Variants in LTBP2 observed in about 807,000 individuals in gnomAD.
LTBP2 encodes the protein latent transforming growth factor beta binding protein 2, also known as latent-transforming growth factor beta-binding protein 2.
LTBP2 carries 103 observed loss-of-function variants against 210.6 expected under a neutral mutation model. The ratio of observed to expected loss-of-function variants is 0.49; its 90% CI spans 0.42 to 0.58. The LOEUF (loss-of-function observed/expected upper bound fraction) is 0.58. Ranked by LOEUF, LTBP2 falls within the 20% of genes least tolerant of loss-of-function variation. LTBP2 has a pLI of 0.00. For missense variants in LTBP2, 2,313 were observed against 2,494.5 expected, an observed-to-expected ratio of 0.93 and a Z score of 1.55; for synonymous variants, 1,007 against 1,015.0, an observed-to-expected ratio of 0.99 and a Z score of 0.15.
intron 8 of LTBP2, 32 bp downstream of exon 8, chr14:74,549,831 C>T (rs1215754279): frequency 1.3e-6 from 2 of 1,574,416 alleles, no homozygotes; most frequent in Admixed American, 1.7e-5. Context: ...GAGCTTCCTC[C>T]ACAACACGTG....
chr14:74,604,925 C>T (rs1468389043), intron 1 of LTBP2, among the ~76,000 whole-genome samples: 1 of 152,244 alleles, frequency 6.6e-6, no homozygotes. Flanking sequence ...GCAGTTTCCA[C>T]CCGGCCCTGA....
Position 74,529,069 on chromosome 14 carries a change from C to T in LTBP2, c.2041G>A (p.Gly681Ser), listed in dbSNP as rs373539611. The T allele has an allele frequency of 2.8e-5, 43 of 1,558,780 alleles. No homozygotes were observed. Among genetic ancestry groups the T allele is most frequent in the East Asian group, 7.2e-5 (3 of 41,624 alleles). ...TGGGCCAAAGGCAGGGTGCAGGTGCCGGGCCCCAGCGACCGGTAGCACAGT... is the reference window on the plus strand; with the variant it reads ...TGGGCCAAAGGCAGGGTGCAGGTGCTGGGCCCCAGCGACCGGTAGCACAGT... The part of the protein sequence containing the change: ...QGLCYRSLGP[G>S]TCTLPLAQRI... Residue 681 changes from glycine to serine, a missense_variant, in exon 11 of 36, where the codon GGC becomes AGC. Coordinates refer to ENST00000261978, the MANE Select transcript of LTBP2 (RefSeq NM_000428.3).
intron 17 of LTBP2, among the ~76,000 whole-genome samples, chr14:74,520,426 C>T (rs886115273): frequency 6.6e-6 from 1 of 152,188 alleles, no homozygotes; most frequent in African/African-American, 2.4e-5. Flanking sequence ...CTAAGGATTT[C>T]CATAACATGG....
intron 2 of LTBP2, among the ~76,000 whole-genome samples, chr14:74,587,309 T>A (rs761139201): frequency 1.5e-4 from 23 of 151,994 alleles, no homozygotes; most frequent in Admixed American, 9.8e-4. Flanking sequence ...TCCTTGTCCA[T>A]CTGGGGCTTG....
In LTBP2 at chr14:74,555,706, C is replaced by A. The variant is rs1206190799; in HGVS notation, c.831-13G>T. On this transcript the variant is annotated splice_polypyrimidine_tract_variant and intron_variant, in intron 3 of 35. Transcript: ENST00000261978. ...GCCACTCAGGGTCCTGTGGAGACAA[C>A]CGCGGCACGGGGGTTTGCACCCTGG... 5 of 1,502,504 alleles carry A rather than the reference C, an allele frequency of 3.3e-6. No homozygotes were observed. Among genetic ancestry groups the A allele is most frequent in the Non-Finnish European group, 4.5e-6 (5 of 1,122,526 alleles). 93.1% of individuals were successfully genotyped at this position (1,502,504 alleles called of 1,614,324 possible).
intron 15 of LTBP2, 21 bp from the exon 16 acceptor site, chr14:74,522,939 C>T: frequency 1.2e-6 from 2 of 1,608,732 alleles, no homozygotes; most frequent in Middle Eastern, 1.7e-4. Context: ...CAGAGCAAAA[C>T]AGAGGTTATG....
intron 1 of LTBP2, 90 bp from the exon 2 acceptor site, chr14:74,603,795 A>T: frequency 1.9e-6 from 2 of 1,029,096 alleles, no homozygotes; most frequent in Non-Finnish European, 3.1e-6. Context: ...TTCTAGAGGC[A>T]GGGCCTGGAG....
intron 3 of LTBP2, among the ~76,000 whole-genome samples, chr14:74,565,716 A>G (rs1413584586): frequency 6.6e-6 from 1 of 152,156 alleles, no homozygotes; most frequent in Non-Finnish European, 1.5e-5. Context: ...GGAGGTTGTA[A>G]GAGTAGAGGT....
chr14:74,547,760 C>T (rs142267206), intron 8 of LTBP2, among the ~76,000 whole-genome samples: 3,223 of 152,040 alleles, frequency 0.021, 46 homozygotes, highest in South Asian at 0.085. Context: ...TACTGCATGC[C>T]CCTCAGAGGG....
intron 28 of LTBP2, among the ~76,000 whole-genome samples, chr14:74,505,840 C>T (rs889415620): frequency 1.9e-4 from 29 of 152,152 alleles, no homozygotes; most frequent in Non-Finnish European, 3.2e-4. Flanking sequence ...CTAGGATCGT[C>T]GCCACCCTGT....
chr14:74,609,038 G>T (rs2139813095), intron 1 of LTBP2, among the ~76,000 whole-genome samples: 1 of 152,348 alleles, frequency 6.6e-6, no homozygotes, highest in South Asian at 2.1e-4. Flanking sequence ...CAGTAGCAGT[G>T]GTGCAGTTCC....
chr14:74,510,146 G>A lies in LTBP2; in HGVS notation c.3096C>T (p.Phe1032=). ...HGKCTNLEGS[F]RCSCEQGYEV... ...CATAGCCCTGCTCACAAGAGCATCTGAAGGAGCCTTCTAGGTTGGTGCACT... is the reference window on the plus strand; with the variant it reads ...CATAGCCCTGCTCACAAGAGCATCTAAAGGAGCCTTCTAGGTTGGTGCACT... Residue 1032 remains phenylalanine (F), a synonymous_variant, in exon 20 of 36, where the codon TTC becomes TTT. Transcript: ENST00000261978. 1 of 1,614,142 alleles carries A rather than the reference G, an allele frequency of 6.2e-7. No homozygotes were observed. Among genetic ancestry groups the A allele is most frequent in the Non-Finnish European group, 8.5e-7 (1 of 1,180,024 alleles).
chr14:74,589,145 G>A (rs1427704846), intron 2 of LTBP2, among the ~76,000 whole-genome samples: 1 of 152,212 alleles, frequency 6.6e-6, no homozygotes, highest in Non-Finnish European at 1.5e-5. Flanking sequence ...TAATGATGGA[G>A]GATGTACGTC....
At chr14:74,603,159 G>A (rs2088472282) in intron 2 of LTBP2, among the ~76,000 whole-genome samples, 1 of 152,098 alleles carries the variant, frequency 6.6e-6, no homozygotes, top group South Asian at 2.1e-4. Context: ...AAGGAGTCTC[G>A]CTCTGTCGCC....
chr14:74,612,017 C>G lies in LTBP2; in HGVS notation c.-73G>C. 2 of 1,403,068 alleles carry G rather than the reference C, an allele frequency of 1.4e-6. No individual in the cohort carries two copies. Among genetic ancestry groups the G allele is most frequent in the South Asian group, 3.1e-5 (2 of 64,540 alleles). 86.9% of individuals were successfully genotyped at this position (1,403,068 alleles called of 1,614,324 possible). A position where few individuals can be genotyped will look rare whatever the true frequency, so the allele number is the denominator to read the frequency against. Reference sequence around the variant, plus strand: ...TTGTGGTCGGCACGCTGGACGCCCGCGGGCTGTTCTCCCGGCCCCGCCCGG... The same window carrying G: ...TTGTGGTCGGCACGCTGGACGCCCGGGGGCTGTTCTCCCGGCCCCGCCCGG... On this transcript the variant is annotated 5_prime_UTR_variant, in exon 1 of 36. Coordinates refer to ENST00000261978, the MANE Select transcript of LTBP2 (RefSeq NM_000428.3).
At chr14:74,549,323 T>C (rs2139743454) in intron 8 of LTBP2, among the ~76,000 whole-genome samples, 1 of 152,302 alleles carries the variant, frequency 6.6e-6, no homozygotes, top group Admixed American at 6.5e-5. Flanking sequence ...AATGAATGAA[T>C]GAATGAATGA....
chr14:74,567,669 C>T (rs1322430757), intron 3 of LTBP2, among the ~76,000 whole-genome samples: 3 of 152,308 alleles, frequency 2.0e-5, no homozygotes, highest in East Asian at 3.9e-4. Context: ...GACACAGACC[C>T]CCAGGAGGGA....
intron 3 of LTBP2, among the ~76,000 whole-genome samples, chr14:74,559,297 C>T (rs917426961): frequency 3.3e-5 from 5 of 152,132 alleles, no homozygotes; most frequent in East Asian, 1.9e-4. Flanking sequence ...TTTTAACAAC[C>T]GGAGTCCTCT....
At chr14:74,512,973 G>A (rs937174224) in intron 18 of LTBP2, among the ~76,000 whole-genome samples, 4 of 152,242 alleles carry the variant, frequency 2.6e-5, no homozygotes, top group Non-Finnish European at 4.4e-5. Context: ...CTGAGAATGA[G>A]CAGCAATCCC....
Sources: gnomAD v4.1 joint callset for allele counts (sites outside exome capture counted in the v4.1 genomes callset) on GRCh38, gnomAD v4.1.1 for gene constraint, MANE v1.5 for transcripts, NCBI Gene and HGNC (gene_info 2026-07-23, HGNC 2026-07-21) for gene names.